SH3TC1: variants seen among roughly 807,000 people sequenced by gnomAD.
SH3TC1 encodes SH3 domain and tetratricopeptide repeat-containing protein 1.
SH3TC1 carries 135 observed loss-of-function variants against 117.3 expected under a neutral mutation model. The observed-to-expected ratio is 1.15, with a 90% confidence interval of 1.00 to 1.33. The LOEUF (loss-of-function observed/expected upper bound fraction) is 1.33, where lower values mean the gene tolerates loss of function less well. Among genes scored for constraint, SH3TC1 ranks in the 40% most tolerant of loss-of-function variants. The pLI is 0.00. For missense variants in SH3TC1, 2,092 were observed against 1,794.3 expected (o/e 1.17, Z -3.00); for synonymous variants, 898 against 816.9 (o/e 1.10, Z -1.69).
At chr4:8,216,377 T>C (rs1719274833) in intron 6 of SH3TC1, 120 bp downstream of exon 6, 2 of 1,425,378 alleles carry the variant, frequency 1.4e-6, no homozygotes, top group Non-Finnish European at 1.9e-6. Context: ...GCGGAGCCTC[T>C]GGAGGCTGAG....
chr4:8,208,988 A>G (rs1420206087), intron 2 of SH3TC1, among the ~76,000 whole-genome samples: 2 of 152,192 alleles, frequency 1.3e-5, no homozygotes, highest in African/African-American at 2.4e-5. Context: ...CAGGACAGAG[A>G]TGAAGTGCCC....
rs1383461238 is a variant in SH3TC1, at chr4:8,205,165, A to G, written c.-28-2A>G. On this transcript the variant is annotated splice_acceptor_variant, in intron 1 of 17. Transcript: ENST00000245105. LOFTEE classifies it low-confidence loss of function (5UTR_SPLICE). This position sits in a 1 kb window ranked among gnomAD's most constrained non-coding sequence, Gnocchi z 5.4. ...TCCTGACCACACCCCCTCTGTCCAC[A>G]GGGCCAGGCATGTGAGGTCTCTGCG... The G allele has an allele frequency of 4.7e-6, 7 of 1,474,678 alleles. No individual in the cohort carries two copies. The South Asian group carries it at 8.4e-5, about 18-fold the overall frequency. 91.3% of individuals were successfully genotyped at this position (1,474,678 alleles called of 1,614,324 possible).
At position 8,219,475 on chromosome 4, in the gene SH3TC1, G is replaced by T; in HGVS notation, c.1057G>T (p.Gly353Cys). 1 of 1,604,384 alleles carries T rather than the reference G, an allele frequency of 6.2e-7. No homozygotes were observed. The highest frequency in any genetic ancestry group is 2.3e-5 in the East Asian group (1 of 44,412). ...GTGCGTGGGCCGACACGCAGCCTCG[G>T]GCCGGGTGGGGTTTGTGCGGAGCAG... ...PWCVGRHAAS[G>C]RVGFVRSSLI... Residue 353 changes from glycine to cysteine, a missense_variant, in exon 9 of 18, where the codon GGC (glycine) becomes TGC (cysteine). Physicochemically the swap from Gly to Cys is radical, Grantham distance 159. Coordinates refer to ENST00000245105, the MANE Select transcript of SH3TC1 (RefSeq NM_018986.5).
chr4:8,218,963 G>C (rs1160690920), intron 8 of SH3TC1, among the ~76,000 whole-genome samples: 2 of 152,092 alleles, frequency 1.3e-5, no homozygotes, highest in African/African-American at 4.8e-5. Context: ...CCGGTGTCTG[G>C]GTGGCCTGCG....
chr4:8,224,978 C>CCCTGCAACACCTCAG (rs1720323651), intron 10 of SH3TC1, 197 bp from the exon 11 acceptor site: 1 of 622,172 alleles, frequency 1.6e-6, no homozygotes, highest in Non-Finnish European at 2.8e-6. Flanking sequence ...TTGCACCTGA[C>CCCTGCAACACCTCAG]CCTGCAACAC....
chr4:8,237,966 G>T (rs75006624), intron 17 of SH3TC1, among the ~76,000 whole-genome samples: 8,119 of 152,238 alleles, frequency 0.053, 636 homozygotes, highest in African/African-American at 0.17. Flanking sequence ...CTGGAGAAGG[G>T]GACACCAAAG....
chr4:8,231,144 T>G (rs1156649750), intron 12 of SH3TC1: 1 of 152,336 alleles, frequency 6.6e-6, no homozygotes, highest in Admixed American at 6.5e-5. Context: ...GGTCTCTTCT[T>G]TCACTCACTG....
At position 8,205,636 on chromosome 4, in the gene SH3TC1, G is replaced by A. The variant is rs754325899; in HGVS notation, c.172+270G>A. 8 of 766,830 alleles carry A rather than the reference G, an allele frequency of 1.0e-5. No individual in the cohort carries two copies. The African/African-American group carries it at 1.4e-4, about 13-fold the overall frequency. 47.5% of individuals were successfully genotyped at this position (766,830 alleles called of 1,614,324 possible). A position where few individuals can be genotyped will look rare whatever the true frequency, so the allele number is the denominator to read the frequency against. On this transcript the variant is annotated intron_variant, in intron 2 of 17. Coordinates refer to ENST00000245105, the MANE Select transcript of SH3TC1 (RefSeq NM_018986.5). The surrounding 1 kb of genome is among the most constrained non-coding windows in gnomAD (Gnocchi z 5.4). Reference sequence around the variant, plus strand: ...ACAAAACTGGCAAAGAACGAGGCAGGGGCCTTTGAACCCCCATGTTCAGAG... The same window carrying A: ...ACAAAACTGGCAAAGAACGAGGCAGAGGCCTTTGAACCCCCATGTTCAGAG...
chr4:8,209,991 TCCTGCACC>T lies in SH3TC1; in HGVS notation c.247+171_247+178del, dbSNP rs1718514221. Among the ~76,000 whole-genome samples the T allele has an allele frequency of 7.9e-5, 12 of 152,148 alleles. No individual in the cohort carries two copies. Among genetic ancestry groups the T allele is most frequent in the Admixed American group, 7.9e-4 (12 of 15,286 alleles). ...GGTTTGTTAAATGCGCATGCCCAGG[TCCTGCACC>T]CAGAGGGGGACATGGCCCCTGGGGC... On this transcript the variant is annotated intron_variant, in intron 3 of 17. Coordinates refer to ENST00000245105, the MANE Select transcript of SH3TC1 (RefSeq NM_018986.5). This position sits in a 1 kb window ranked among gnomAD's most constrained non-coding sequence, Gnocchi z 5.9.
chr4:8,191,958 C>CATTT (rs10705534), intron 1 of SH3TC1, among the ~76,000 whole-genome samples: 5,120 of 148,106 alleles, frequency 0.035, 221 homozygotes, highest in African/African-American at 0.1. Context: ...CTCTGAGTTA[C>CATTT]ATTTATTTAT....
At chr4:8,222,191 G>T (rs1413974495) in intron 9 of SH3TC1, among the ~76,000 whole-genome samples, 1 of 151,976 alleles carries the variant, frequency 6.6e-6, no homozygotes, top group Non-Finnish European at 1.5e-5. Context: ...TCTGTCTGCA[G>T]CTGTCACAGG....
intron 12 of SH3TC1, chr4:8,229,218 A>G (rs11729860): frequency 0.31 from 47,066 of 151,424 alleles, 7,457 homozygotes; most frequent in African/African-American, 0.32. Context: ...GGGGCTGAGC[A>G]TGGGAAAGTG....
intron 1 of SH3TC1, 178 bp from the exon 2 acceptor site, chr4:8,204,989 G>A (rs1349020808): frequency 7.1e-6 from 3 of 422,010 alleles, no homozygotes; most frequent in African/African-American, 2.0e-5. Flanking sequence ...GCGCAGCAGC[G>A]GTGCGGGATC....
Position 8,205,521 on chromosome 4 carries a change from C to G in SH3TC1, c.172+155C>G, listed in dbSNP as rs771552545. On this transcript the variant is annotated intron_variant, in intron 2 of 17. Coordinates refer to ENST00000245105, the MANE Select transcript of SH3TC1 (RefSeq NM_018986.5). The surrounding 1 kb of genome is among the most constrained non-coding windows in gnomAD (Gnocchi z 5.4). Reference sequence around the variant, plus strand: ...TCCATCACTTCTCGTTTCCTTCCCCCGCGTGTGTTTAACAGGAGCCACTGT... The same window carrying G: ...TCCATCACTTCTCGTTTCCTTCCCCGGCGTGTGTTTAACAGGAGCCACTGT... 2.8e-6 allele frequency: 3 copies of G among 1,085,428 alleles called. No homozygotes were observed. The highest frequency in any genetic ancestry group is 1.7e-5 in the Admixed American group (1 of 59,336). 67.2% of individuals were successfully genotyped at this position (1,085,428 alleles called of 1,614,324 possible).
chr4:8,205,561 T>C lies in SH3TC1; in HGVS notation c.172+195T>C, dbSNP rs1228715978. On this transcript the variant is annotated intron_variant, in intron 2 of 17. Coordinates refer to ENST00000245105, the MANE Select transcript of SH3TC1 (RefSeq NM_018986.5). This position sits in a 1 kb window ranked among gnomAD's most constrained non-coding sequence, Gnocchi z 5.4. The stretch of plus-strand genomic sequence containing the variant: ...GGAGCCACTGTGCCCGCTGAGTCAC[T>C]TGAGAGGCCAGGGCCCAGCTCGTGT... 1.2e-6 allele frequency: 1 copy of C among 842,482 alleles called. No homozygotes were observed. Among genetic ancestry groups the C allele is most frequent in the Non-Finnish European group, 2.0e-6 (1 of 488,210 alleles). 52.2% of individuals were successfully genotyped at this position (842,482 alleles called of 1,614,324 possible).
chr4:8,193,562 C>G (rs1435309167), intron 1 of SH3TC1, among the ~76,000 whole-genome samples: 1 of 152,210 alleles, frequency 6.6e-6, no homozygotes, highest in Non-Finnish European at 1.5e-5. Flanking sequence ...CCTCTCTTTC[C>G]TCCCAGGCCT....
rs1357854996 is a variant in SH3TC1, at chr4:8,227,383, C to T, written c.1689C>T (p.Cys563=). 2 of 1,559,896 alleles carry T rather than the reference C, an allele frequency of 1.3e-6. No homozygotes were observed. Among genetic ancestry groups the T allele is most frequent in the Non-Finnish European group, 1.7e-6 (2 of 1,153,114 alleles). Residue 563 remains cysteine (C), a synonymous_variant, in exon 12 of 18, where the codon TGC becomes TGT. Coordinates refer to ENST00000245105, the MANE Select transcript of SH3TC1 (RefSeq NM_018986.5). ...AGLLMALARL[C]FLLGRLCSRR... The stretch of plus-strand genomic sequence containing the variant: ...TCCTCATGGCCCTGGCCAGGCTCTG[C>T]TTCCTCCTGGGGCGGCTGTGCAGCA...
intron 12 of SH3TC1, chr4:8,231,357 T>C (rs1169315918): frequency 6.5e-6 from 1 of 154,386 alleles, no homozygotes; most frequent in East Asian, 1.9e-4. Flanking sequence ...GACTGTGTAT[T>C]CTGCCGTTGT....
At position 8,228,474 on chromosome 4, in the gene SH3TC1, T is replaced by A; in HGVS notation, c.2780T>A (p.Leu927Gln). ...GASRLAQHYL[L>Q]EAVRLFSRLP... ...AGCAGGCTGGCCCAGCACTACCTCC[T>A]GGAGGCCGTGCGGCTGTTCTCGAGG... Residue 927 changes from leucine to glutamine, a missense_variant, in exon 12 of 18, where the codon CTG becomes CAG. Coordinates refer to ENST00000245105, the MANE Select transcript of SH3TC1 (RefSeq NM_018986.5). 2 of 1,609,804 alleles carry A rather than the reference T, an allele frequency of 1.2e-6. No individual in the cohort carries two copies. Among genetic ancestry groups the A allele is most frequent in the Non-Finnish European group, 1.7e-6 (2 of 1,178,674 alleles).
Sources: gnomAD v4.1 joint callset for allele counts (sites outside exome capture counted in the v4.1 genomes callset) on GRCh38, gnomAD v4.1.1 for gene constraint, Gnocchi (gnomAD v3.1) non-coding constraint, MANE v1.5 for transcripts, NCBI Gene and HGNC (gene_info 2026-07-23, HGNC 2026-07-21) for gene names.